FOXO3: variants seen among roughly 807,000 people sequenced by gnomAD.
The protein encoded by FOXO3 is forkhead box O3.
FOXO3 carries 4 observed loss-of-function variants against 41.9 expected under a neutral mutation model. The observed-to-expected ratio is 0.10, with a 90% CI of 0.05 to 0.22. The LOEUF (loss-of-function observed/expected upper bound fraction) is 0.22, where lower values mean the gene tolerates loss of function less well. Ranked by LOEUF, FOXO3 falls within the 10% of genes least tolerant of loss-of-function variation. FOXO3 has a pLI of 1.00. For missense variants in FOXO3, 534 were observed against 906.8 expected, an observed-to-expected ratio of 0.59 and a Z score of 5.28; for synonymous variants, 318 against 389.3, an observed-to-expected ratio of 0.82 and a Z score of 2.16.
intron 1 of FOXO3, among the ~76,000 whole-genome samples, chr6:108,613,211 T>C (rs897697832): frequency 1.3e-5 from 2 of 152,220 alleles, no homozygotes; most frequent in Non-Finnish European, 2.9e-5. Flanking sequence ...ACATTTCTTA[T>C]AATATCTTTG....
chr6:108,673,356 C>T (rs115037024), intron 2 of FOXO3, among the ~76,000 whole-genome samples: 6 of 152,190 alleles, frequency 3.9e-5, no homozygotes, highest in African/African-American at 7.2e-5. Flanking sequence ...CCCTCACTAC[C>T]GGAATCTGCA....
chr6:108,642,470 C>T (rs1403244684), intron 1 of FOXO3, among the ~76,000 whole-genome samples: 6 of 151,758 alleles, frequency 4.0e-5, no homozygotes, highest in Admixed American at 6.6e-5. Flanking sequence ...GGGGGAGTGG[C>T]GTGGATCAGG....
intron 1 of FOXO3, among the ~76,000 whole-genome samples, chr6:108,603,600 TGAA>T (rs1221964819): frequency 6.6e-6 from 1 of 152,150 alleles, no homozygotes; most frequent in Non-Finnish European, 1.5e-5. Context: ...AATACAGTAT[TGAA>T]GAACAAGTTG....
intron 1 of FOXO3, among the ~76,000 whole-genome samples, chr6:108,646,902 A>T (rs1449006715): frequency 6.6e-6 from 1 of 152,218 alleles, no homozygotes; most frequent in Non-Finnish European, 1.5e-5. Context: ...AAAGAGATGT[A>T]TCTCTTTTGC....
intron 1 of FOXO3, among the ~76,000 whole-genome samples, chr6:108,641,040 G>A (rs942137164): frequency 2.6e-5 from 4 of 151,996 alleles, no homozygotes; most frequent in African/African-American, 4.8e-5. Flanking sequence ...CTCCTGAATA[G>A]CTGGGGTTAC....
chr6:108,668,527 CCTCT>C (rs1467837767), intron 2 of FOXO3, among the ~76,000 whole-genome samples: 1 of 152,140 alleles, frequency 6.6e-6, no homozygotes, highest in African/African-American at 2.4e-5. Flanking sequence ...CGACATGTGT[CCTCT>C]CTGAGGGAAA....
At chr6:108,565,000 C>G (rs1775916253) in intron 1 of FOXO3, among the ~76,000 whole-genome samples, 1 of 152,038 alleles carries the variant, frequency 6.6e-6, no homozygotes, top group Non-Finnish European at 1.5e-5. Flanking sequence ...TTAAATTGAT[C>G]TTTTTTAAAA....
At chr6:108,632,888 A>C (rs1778015910) in intron 1 of FOXO3, among the ~76,000 whole-genome samples, 1 of 152,162 alleles carries the variant, frequency 6.6e-6, no homozygotes, top group Non-Finnish European at 1.5e-5. Context: ...GTGTTTTATA[A>C]AACTTTTTAA....
chr6:108,663,552 G>C lies in FOXO3; in HGVS notation c.719G>C (p.Gly240Ala), dbSNP rs767190136. Residue 240 changes from glycine (G) to alanine (A), a missense_variant, in exon 2 of 3, where the codon GGG (glycine) becomes GCG (alanine). Gly to Ala is a moderately conservative substitution (Grantham distance 60, BLOSUM62 0). Transcript: ENST00000406360. ...TCTTGGTGGATCATCAACCCTGATG[G>C]GGGGAAGAGCGGAAAAGCCCCCCGG... is the stretch of plus-strand genomic sequence containing the variant. The part of the protein sequence containing the change: ...KSSWWIINPD[G>A]GKSGKAPRRR... 2 of 1,613,832 alleles carry C rather than the reference G, an allele frequency of 1.2e-6. No individual in the cohort carries two copies. Among genetic ancestry groups the C allele is most frequent in the East Asian group, 2.2e-5 (1 of 44,858 alleles).
chr6:108,678,869 C>CTTTTTTTTTTTTTTTTTTT (rs1156923290), intron 2 of FOXO3, among the ~76,000 whole-genome samples: 1 of 55,018 alleles, frequency 1.8e-5, no homozygotes, highest in African/African-American at 4.6e-5. Flanking sequence ...TTCTTAAATT[C>CTTTTTTTTTTTTTTTTTTT]TTTTTTTTTT....
chr6:108,570,069 G>A (rs1323700090), intron 1 of FOXO3, among the ~76,000 whole-genome samples: 1 of 126,654 alleles, frequency 7.9e-6, no homozygotes, highest in East Asian at 2.6e-4. Flanking sequence ...GCGTGATCTT[G>A]GCTCACTGCA....
At position 108,575,393 on chromosome 6, in the gene FOXO3, GAA is replaced by G. The variant is rs1281996910; in HGVS notation, c.621+13567_621+13568del. 3.1e-5 allele frequency among the ~76,000 whole-genome samples: 4 copies of G among 127,916 alleles called. No individual in the cohort carries two copies. The East Asian group carries it at 8.6e-4, about 27-fold the overall frequency. 83.9% of individuals were successfully genotyped at this position (127,916 alleles called of 152,430 possible). The stretch of plus-strand genomic sequence containing the variant: ...ACTTAATACCTAAAAAAAAAAAAAA[GAA>G]AAGAAAAAAAAACCTCGATGTAAAT... On this transcript the variant is annotated intron_variant, in intron 1 of 2. Transcript: ENST00000406360.
chr6:108,609,082 A>G (rs1777286148), intron 1 of FOXO3, among the ~76,000 whole-genome samples: 2 of 152,206 alleles, frequency 1.3e-5, no homozygotes, highest in African/African-American at 4.8e-5. Flanking sequence ...TTACCAGAGG[A>G]CATGATGTAG....
rs546397917 is a variant in FOXO3 at position 108,594,177 on chromosome 6, ATTAATT to A, written c.621+32353_621+32358del. Reference sequence around the variant, plus strand: ...TTTTCCCTCCCCCAAAAGTTGTGGAATTAATTTTAAGTAGAAGGAAAAGGGCAGCTT... The same window carrying A: ...TTTTCCCTCCCCCAAAAGTTGTGGAATTAAGTAGAAGGAAAAGGGCAGCTT... On this transcript the variant is annotated intron_variant, in intron 1 of 2. Coordinates refer to ENST00000406360, the MANE Select transcript of FOXO3 (RefSeq NM_001455.4). Among the ~76,000 whole-genome samples, 14 of 152,306 alleles carry A rather than the reference ATTAATT, an allele frequency of 9.2e-5. No homozygotes were observed. The East Asian group carries it at 2.7e-3, about 29-fold the overall frequency.
rs146723123 is a variant in FOXO3 at position 108,641,582 on chromosome 6, C to G, written c.622-21873C>G. Among the ~76,000 whole-genome samples the G allele has an allele frequency of 3.3e-3, 509 of 152,226 alleles. 4 individuals are homozygous for G. The highest frequency in any genetic ancestry group is 0.011 in the African/African-American group (447 of 41,536). The stretch of plus-strand genomic sequence containing the variant: ...ATAAGGCAACTTATCCAGACAGAGT[C>G]GTGATGACTACTTGATACATATTTA... On this transcript the variant is annotated intron_variant, in intron 1 of 2. Transcript: ENST00000406360.
At chr6:108,635,481 C>G (rs547068797) in intron 1 of FOXO3, among the ~76,000 whole-genome samples, 2 of 152,110 alleles carry the variant, frequency 1.3e-5, no homozygotes, top group Non-Finnish European at 2.9e-5. Context: ...TTGCTAAAGT[C>G]GAGCAGTGGG....
At chr6:108,643,749 G>C (rs1254686947) in intron 1 of FOXO3, among the ~76,000 whole-genome samples, 1 of 152,188 alleles carries the variant, frequency 6.6e-6, no homozygotes, top group Admixed American at 6.5e-5. Context: ...CTAATTAACA[G>C]TGCTATCGTC....
At chr6:108,620,340 G>A (rs1777632004) in intron 1 of FOXO3, among the ~76,000 whole-genome samples, 1 of 152,044 alleles carries the variant, frequency 6.6e-6, no homozygotes, top group Non-Finnish European at 1.5e-5. Context: ...TTTGTCTATC[G>A]TTTTTCTTAA....
chr6:108,608,966 A>G (rs1248007331), intron 1 of FOXO3, among the ~76,000 whole-genome samples: 2 of 152,208 alleles, frequency 1.3e-5, no homozygotes, highest in African/African-American at 2.4e-5. Context: ...TCCTTTTGTT[A>G]ACGCTGAGGT....
Sources: gnomAD v4.1 joint callset for allele counts (sites outside exome capture counted in the v4.1 genomes callset) on GRCh38, gnomAD v4.1.1 for gene constraint, MANE v1.5 for transcripts, NCBI Gene and HGNC (gene_info 2026-07-23, HGNC 2026-07-21) for gene names.